The following HPSE2 variants were observed in gnomAD, a reference collection of about 807,000 sequenced individuals.
HPSE2 encodes the protein heparanase 2 (inactive).
In HPSE2, 38 loss-of-function variants were observed where a neutral mutation model predicts 60.5. The ratio of observed to expected loss-of-function variants is 0.63; its 90% CI spans 0.48 to 0.82. The LOEUF (loss-of-function observed/expected upper bound fraction) is 0.82, where lower values mean the gene tolerates loss of function less well. Among genes scored for constraint, HPSE2 ranks in the 40% least tolerant of loss-of-function variants. The pLI is 0.00. For synonymous variants in HPSE2, 295 were observed against 293.2 expected (o/e 1.01, Z -0.06); for missense variants, 713 against 740.4 (o/e 0.96, Z 0.43).
intron 9 of HPSE2, among the ~76,000 whole-genome samples, chr10:98,596,630 GT>G (rs1049821705): frequency 6.6e-6 from 1 of 151,810 alleles, no homozygotes; most frequent in African/African-American, 2.4e-5. Flanking sequence ...TGGTTGGCAG[GT>G]TTTTTTGTTG....
intron 6 of HPSE2, among the ~76,000 whole-genome samples, chr10:98,673,515 T>C (rs1947558841): frequency 6.6e-6 from 1 of 152,178 alleles, no homozygotes; most frequent in Non-Finnish European, 1.5e-5. Context: ...TTGGGTTCCC[T>C]AATTCAACAG....
chr10:99,237,017 T>C (rs955931716), upstream of HPSE2, among the ~76,000 whole-genome samples: 12 of 152,102 alleles, frequency 7.9e-5, no homozygotes, highest in African/African-American at 2.4e-4. Context: ...CAGAGTCACA[T>C]AGCCCTGGAT....
At chr10:99,313,317 T>A in the HPSE2 span, among the ~76,000 whole-genome samples, 1 of 152,060 alleles carries the variant, frequency 6.6e-6, no homozygotes, top group Admixed American at 6.5e-5. Flanking sequence ...CAAAATTCAG[T>A]GGAGGTTCCC....
At chr10:99,056,416 A>G (rs1448327709) in intron 3 of HPSE2, among the ~76,000 whole-genome samples, 1 of 152,164 alleles carries the variant, frequency 6.6e-6, no homozygotes, top group Non-Finnish European at 1.5e-5. Context: ...TTCTGAAAAT[A>G]AAGGAGAAAA....
intron 5 of HPSE2, among the ~76,000 whole-genome samples, chr10:98,715,459 T>A (rs1327195718): frequency 6.6e-6 from 1 of 152,004 alleles, no homozygotes; most frequent in African/African-American, 2.4e-5. Context: ...GTCAATTGTT[T>A]AATTAATTTA....
chr10:98,919,061 C>T (rs2135054829), intron 3 of HPSE2, among the ~76,000 whole-genome samples: 1 of 152,092 alleles, frequency 6.6e-6, no homozygotes, highest in African/African-American at 2.4e-5. Context: ...AACATAGAGC[C>T]TGCAATTACA....
intron 3 of HPSE2, among the ~76,000 whole-genome samples, chr10:98,755,895 C>T (rs935729246): frequency 6.6e-6 from 1 of 152,058 alleles, no homozygotes; most frequent in African/African-American, 2.4e-5. Context: ...ACTCGGGAGG[C>T]TGAGGTGAGA....
chr10:98,578,173 C>T (rs1042080056), intron 9 of HPSE2, among the ~76,000 whole-genome samples: 1 of 152,164 alleles, frequency 6.6e-6, no homozygotes, highest in Non-Finnish European at 1.5e-5. Flanking sequence ...TGCTTTGGGT[C>T]AGTTTTCAAA....
At chr10:98,742,093 G>A (rs1204026918) in intron 4 of HPSE2, among the ~76,000 whole-genome samples, 2 of 152,098 alleles carry the variant, frequency 1.3e-5, no homozygotes, top group Non-Finnish European at 2.9e-5. Context: ...TCCTGCTTTT[G>A]TTGTCAAATG....
At chr10:99,049,537 A>C (rs1488860687) in intron 3 of HPSE2, among the ~76,000 whole-genome samples, 1 of 152,172 alleles carries the variant, frequency 6.6e-6, no homozygotes, top group African/African-American at 2.4e-5. Flanking sequence ...TTAATTATAC[A>C]CAGAAGAATA....
At chr10:98,837,468 T>C (rs2134676885) in intron 3 of HPSE2, among the ~76,000 whole-genome samples, 1 of 152,330 alleles carries the variant, frequency 6.6e-6, no homozygotes, top group Middle Eastern at 3.4e-3. Context: ...TTGGAACTAT[T>C]ACTGTTTTCT....
chr10:98,982,586 C>T (rs184385864), intron 3 of HPSE2, among the ~76,000 whole-genome samples: 81 of 152,174 alleles, frequency 5.3e-4, no homozygotes, highest in Non-Finnish European at 3.5e-4. Flanking sequence ...ATATGGCTTT[C>T]TAATGGCAAA....
At chr10:99,026,246 AACAC>A (rs1331094228) in intron 3 of HPSE2, among the ~76,000 whole-genome samples, 1 of 152,118 alleles carries the variant, frequency 6.6e-6, no homozygotes, top group African/African-American at 2.4e-5. Flanking sequence ...CTCACCTATG[AACAC>A]ACAAATTGAC....
chr10:98,665,494 C>T (rs546590132), intron 6 of HPSE2, among the ~76,000 whole-genome samples: 2 of 152,206 alleles, frequency 1.3e-5, no homozygotes, highest in African/African-American at 2.4e-5. Flanking sequence ...ATCAGATTCA[C>T]CATGGTAAAT....
At chr10:99,060,526 T>C (rs1290871820) in intron 3 of HPSE2, among the ~76,000 whole-genome samples, 3 of 151,616 alleles carry the variant, frequency 2.0e-5, no homozygotes, top group Non-Finnish European at 4.4e-5. Flanking sequence ...GGCGTGGTGG[T>C]GCATGCCTAT....
At chr10:99,185,679 C>T (rs986152124) in intron 2 of HPSE2, among the ~76,000 whole-genome samples, 3 of 151,410 alleles carry the variant, frequency 2.0e-5, no homozygotes, top group Admixed American at 6.6e-5. Flanking sequence ...GAGGCTGAGG[C>T]AGGAGAATGG....
intron 3 of HPSE2, among the ~76,000 whole-genome samples, chr10:98,845,852 C>T (rs1952021679): frequency 6.6e-6 from 1 of 152,186 alleles, no homozygotes; most frequent in African/African-American, 2.4e-5. Context: ...CTTTAGAGCA[C>T]AAGCTCCTAC....
chr10:99,227,715 G>A (rs561504124), intron 2 of HPSE2, among the ~76,000 whole-genome samples: 1 of 151,198 alleles, frequency 6.6e-6, no homozygotes, highest in Non-Finnish European at 1.5e-5. Flanking sequence ...TCTACCATGT[G>A]TCATAAAGGC....
chr10:99,283,774 G>A, the HPSE2 span, among the ~76,000 whole-genome samples: 1 of 152,040 alleles, frequency 6.6e-6, no homozygotes, highest in Non-Finnish European at 1.5e-5. Flanking sequence ...TAATTTCCTA[G>A]AAACACACAA....
Sources: allele counts gnomAD v4.1 joint callset (sites outside exome capture counted in the v4.1 genomes callset), GRCh38; gene constraint gnomAD v4.1.1; transcripts MANE v1.5; gene names NCBI Gene and HGNC (gene_info 2026-07-23, HGNC 2026-07-21).